Variants in SUGCT observed in about 807,000 individuals in gnomAD.
SUGCT encodes succinyl-CoA:glutarate-CoA transferase.
SUGCT carries 41 observed loss-of-function variants against 55.0 expected under a neutral mutation model. The observed-to-expected ratio is 0.74, with a 90% CI of 0.58 to 0.97. The LOEUF is 0.97. Among genes scored for constraint, SUGCT ranks in the 50% least tolerant of loss-of-function variants. The probability of loss-of-function intolerance (pLI) is 0.00; values close to 1 mark genes in which losing one functional copy is unlikely to be tolerated. For synonymous variants in SUGCT, 187 were observed against 200.4 expected, an observed-to-expected ratio of 0.93 and a Z score of 0.56; for missense variants, 568 against 547.8, an observed-to-expected ratio of 1.04 and a Z score of -0.37.
intron 5 of SUGCT, among the ~76,000 whole-genome samples, chr7:40,191,297 G>A (rs1008720225): frequency 6.6e-6 from 1 of 152,270 alleles, no homozygotes; most frequent in South Asian, 2.1e-4. Context: ...GATTACAGGC[G>A]TGAGCTACCG....
chr7:40,158,556 G>T (rs1784004958), intron 1 of SUGCT, among the ~76,000 whole-genome samples: 1 of 152,190 alleles, frequency 6.6e-6, no homozygotes, highest in South Asian at 2.1e-4. Context: ...TTCAAGACCA[G>T]CCTGACCAAT....
intron 13 of SUGCT, among the ~76,000 whole-genome samples, chr7:40,819,742 TG>T (rs1477065872): frequency 6.6e-6 from 1 of 152,250 alleles, no homozygotes; most frequent in African/African-American, 2.4e-5. Flanking sequence ...TCTTTTGCTG[TG>T]CAGAAGCTCT....
At chr7:40,597,562 A>T (rs1250379469) in intron 12 of SUGCT, among the ~76,000 whole-genome samples, 1 of 152,018 alleles carries the variant, frequency 6.6e-6, no homozygotes, top group Non-Finnish European at 1.5e-5. Context: ...TGGCTTTCTT[A>T]TAGAGGGGTG....
At chr7:40,666,137 G>C (rs1801616679) in intron 12 of SUGCT, among the ~76,000 whole-genome samples, 1 of 151,890 alleles carries the variant, frequency 6.6e-6, no homozygotes, top group Non-Finnish European at 1.5e-5. Flanking sequence ...GAATCATGGG[G>C]TCAGGAGATC....
At chr7:40,843,359 A>T (rs527910224) in intron 13 of SUGCT, among the ~76,000 whole-genome samples, 1 of 151,898 alleles carries the variant, frequency 6.6e-6, no homozygotes, top group South Asian at 2.1e-4. Flanking sequence ...AAAATACCAA[A>T]ATTAGCTGGG....
chr7:40,459,032 C>A, intron 10 of SUGCT, 69 bp from the exon 11 acceptor site: 2 of 962,022 alleles, frequency 2.1e-6, no homozygotes, highest in Non-Finnish European at 3.3e-6. Flanking sequence ...AGGACCTGAA[C>A]ACTAGCACCC....
chr7:40,949,838 T>C, the SUGCT span, among the ~76,000 whole-genome samples: 1 of 152,228 alleles, frequency 6.6e-6, no homozygotes, highest in Non-Finnish European at 1.5e-5. Flanking sequence ...ACCAGTACCA[T>C]GCTGTTTTGG....
chr7:40,365,974 G>C (rs537281779), intron 9 of SUGCT, among the ~76,000 whole-genome samples: 27 of 152,152 alleles, frequency 1.8e-4, no homozygotes, highest in Non-Finnish European at 3.4e-4. Context: ...TAAGCCAAAA[G>C]AACAAAGCTG....
At chr7:40,969,412 G>C in the SUGCT span, among the ~76,000 whole-genome samples, 2 of 152,196 alleles carry the variant, frequency 1.3e-5, no homozygotes, top group East Asian at 3.8e-4. Context: ...CCAGCCTGGA[G>C]TGCAGTGGCA....
rs200148362 is a variant in SUGCT, at chr7:40,657,149, AT to A, written c.1090-92276del. On this transcript the variant is annotated intron_variant, in intron 12 of 13. Transcript: ENST00000335693. ...TTAGGGGTTACATGATTTTAAGGTG[AT>A]TTTTTTTTCTTTAAAGCTATAAATC... Among the ~76,000 whole-genome samples, 18 of 151,630 alleles carry A rather than the reference AT, an allele frequency of 1.2e-4. No homozygotes were observed. In the East Asian group the frequency reaches 2.5e-3, roughly 21 times the overall value.
the SUGCT span, among the ~76,000 whole-genome samples, chr7:41,002,949 T>G: frequency 6.6e-6 from 1 of 152,056 alleles, no homozygotes; most frequent in Admixed American, 6.5e-5. Flanking sequence ...TCTAGCACAG[T>G]GCCCTGCCCA....
chr7:41,023,271 C>T, the SUGCT span, among the ~76,000 whole-genome samples: 2 of 152,032 alleles, frequency 1.3e-5, no homozygotes, highest in Admixed American at 6.6e-5. Flanking sequence ...ATGTTGGAGC[C>T]GTTTATTACC....
At chr7:40,895,936 G>T in the SUGCT span, among the ~76,000 whole-genome samples, 7 of 152,228 alleles carry the variant, frequency 4.6e-5, no homozygotes, top group Admixed American at 4.6e-4. Flanking sequence ...CCTAGGATTG[G>T]AATTGAGATA....
At chr7:40,174,961 A>T (rs1001163465) in intron 1 of SUGCT, among the ~76,000 whole-genome samples, 6 of 152,098 alleles carry the variant, frequency 3.9e-5, no homozygotes, top group Non-Finnish European at 8.8e-5. Context: ...GAGAAAAAAA[A>T]TTTTATTGTG....
At chr7:40,828,338 C>T (rs1403127940) in intron 13 of SUGCT, among the ~76,000 whole-genome samples, 3 of 152,098 alleles carry the variant, frequency 2.0e-5, no homozygotes, top group Non-Finnish European at 4.4e-5. Context: ...CATGGTCTTT[C>T]TTGTCCTGAG....
chr7:40,384,292 C>T (rs1291489991), intron 9 of SUGCT, among the ~76,000 whole-genome samples: 2 of 152,110 alleles, frequency 1.3e-5, no homozygotes. Flanking sequence ...ATGTGTACAT[C>T]AGGGAGTAAG....
intron 12 of SUGCT, among the ~76,000 whole-genome samples, chr7:40,683,109 T>TAA (rs557225526): frequency 6.6e-6 from 1 of 151,354 alleles, no homozygotes; most frequent in African/African-American, 2.4e-5. Flanking sequence ...CTTTTCTGCT[T>TAA]AAAAAAAAAG....
At chr7:40,431,729 T>C (rs1009502630) in intron 9 of SUGCT, among the ~76,000 whole-genome samples, 3 of 152,196 alleles carry the variant, frequency 2.0e-5, no homozygotes, top group African/African-American at 7.2e-5. Flanking sequence ...AAAGGTCAGT[T>C]TGTATTTTAT....
chr7:40,768,685 C>A (rs920331522), intron 13 of SUGCT, among the ~76,000 whole-genome samples: 1 of 152,228 alleles, frequency 6.6e-6, no homozygotes, highest in Admixed American at 6.5e-5. Context: ...CATTTTCTTT[C>A]AAATAATGTT....
Sources: gnomAD v4.1 joint callset for allele counts (sites outside exome capture counted in the v4.1 genomes callset) on GRCh38, gnomAD v4.1.1 for gene constraint, MANE v1.5 for transcripts, NCBI Gene and HGNC (gene_info 2026-07-23, HGNC 2026-07-21) for gene names.